CACNA1D: variants seen among roughly 807,000 people sequenced by gnomAD.
The protein encoded by CACNA1D is voltage-dependent L-type calcium channel subunit alpha-1D.
In CACNA1D, 55 loss-of-function variants were observed where a neutral mutation model predicts 257.1. The ratio of observed to expected loss-of-function variants is 0.21; its 90% CI spans 0.17 to 0.27. The LOEUF is 0.27. Ranked by LOEUF, CACNA1D falls within the 10% of genes least tolerant of loss-of-function variation. The probability of loss-of-function intolerance (pLI) is 1.00; values close to 1 mark genes in which losing one functional copy is unlikely to be tolerated. For synonymous variants in CACNA1D, 980 were observed against 1,014.9 expected, an observed-to-expected ratio of 0.97 and a Z score of 0.65; for missense variants, 1,876 against 2,784.0, an observed-to-expected ratio of 0.67 and a Z score of 7.34.
At chr3:53,803,952 C>T (rs1189604619) in intron 44 of CACNA1D, among the ~76,000 whole-genome samples, 1 of 152,150 alleles carries the variant, frequency 6.6e-6, no homozygotes, top group Non-Finnish European at 1.5e-5. Flanking sequence ...TGGACGGCGG[C>T]TTGGCCAGCC....
chr3:53,679,894 G>A (rs973835347), intron 8 of CACNA1D: 1 of 152,182 alleles, frequency 6.6e-6, no homozygotes, highest in South Asian at 2.1e-4. Flanking sequence ...ACATGGCTTG[G>A]CTTTGGTAGA....
intron 9 of CACNA1D, among the ~76,000 whole-genome samples, chr3:53,713,502 A>ATC: frequency 7.7e-6 from 1 of 129,460 alleles, no homozygotes; most frequent in East Asian, 2.1e-4. Context: ...CTCTGTGTGT[A>ATC]TGTGTGTGTG....
At chr3:53,630,719 T>A (rs2093812878) in intron 3 of CACNA1D, among the ~76,000 whole-genome samples, 1 of 152,224 alleles carries the variant, frequency 6.6e-6, no homozygotes, top group Admixed American at 6.5e-5. Context: ...TGACAGCTTC[T>A]AGAGTGTTGG....
intron 15 of CACNA1D, 72 bp downstream of exon 15, chr3:53,727,071 T>C: frequency 6.4e-7 from 1 of 1,556,350 alleles, no homozygotes. Context: ...TCTGCATTTC[T>C]CTGTGGTGAT....
chr3:53,575,448 T>C (rs1025227811), intron 3 of CACNA1D, among the ~76,000 whole-genome samples: 1 of 152,170 alleles, frequency 6.6e-6, no homozygotes, highest in African/African-American at 2.4e-5. Context: ...GGAACTGGAT[T>C]GAATCGGGAT....
At chr3:53,734,743 T>G (rs1279495669) in intron 19 of CACNA1D, among the ~76,000 whole-genome samples, 1 of 152,154 alleles carries the variant, frequency 6.6e-6, no homozygotes, top group Non-Finnish European at 1.5e-5. Context: ...GCTCCAACCT[T>G]CACTTTCTGA....
chr3:53,615,054 A>G (rs888886034), intron 3 of CACNA1D, among the ~76,000 whole-genome samples: 5 of 152,244 alleles, frequency 3.3e-5, no homozygotes, highest in African/African-American at 9.6e-5. Context: ...TAACAGGCAA[A>G]TAGAAAATAT....
At chr3:53,748,948 C>A in intron 26 of CACNA1D, 1 of 446,914 alleles carries the variant, frequency 2.2e-6, no homozygotes, top group Non-Finnish European at 4.2e-6. Flanking sequence ...ATAGTTTTCA[C>A]TTCCTCCAGT....
rs868555487 is a variant in CACNA1D at position 53,660,195 on chromosome 3, G to A, written c.686G>A (p.Gly229Asp). ...ACAGAAGGCGGGAACCACTCAAGCG[G>A]CAAATCTGGAGGCTTTGATGTCAAA... The part of the protein sequence containing the change: ...KETEGGNHSS[G>D]KSGGFDVKAL... The change falls in exon 5 of 48, where the codon GGC becomes GAC. Residue 229 changes from glycine to aspartate, a missense_variant. This residue lies in a region of CACNA1D where 188 missense variants were observed against 390.4 expected (regional missense o/e 0.48). Transcript: ENST00000350061. The A allele has an allele frequency of 1.9e-6, 3 of 1,613,998 alleles. No homozygotes were observed.
chr3:53,624,068 A>G (rs1361727478), intron 3 of CACNA1D, among the ~76,000 whole-genome samples: 1 of 152,182 alleles, frequency 6.6e-6, no homozygotes, highest in Non-Finnish European at 1.5e-5. Flanking sequence ...GATGCTGTGT[A>G]CAAGAGCTGA....
Position 53,800,752 on chromosome 3 carries a change from T to C in CACNA1D, c.5041-306T>C. ...CCCAGCCCAGAGAGCATGCCCAACC[T>C]TGGGGCCACCAGCCAGCCCAGCTGG... On this transcript the variant is annotated intron_variant, in intron 41 of 47. Coordinates refer to ENST00000350061, the MANE Select transcript of CACNA1D (RefSeq NM_001128840.3). The surrounding 1 kb of genome is among the most constrained non-coding windows in gnomAD (Gnocchi z 4.3). 1.9e-6 allele frequency: 1 copy of C among 515,784 alleles called. No homozygotes were observed. The highest frequency in any genetic ancestry group is 3.2e-5 in the Admixed American group (1 of 31,164). The allele number at this position is 515,784 out of a possible 1,614,324, so 32.0% of individuals were successfully genotyped here.
At chr3:53,693,293 C>T (rs978024098) in intron 8 of CACNA1D, among the ~76,000 whole-genome samples, 3 of 152,136 alleles carry the variant, frequency 2.0e-5, no homozygotes, top group African/African-American at 7.2e-5. Context: ...CCCTCCCCAC[C>T]CCACTCTGCC....
At chr3:53,695,255 C>T (rs376995390) in intron 8 of CACNA1D, among the ~76,000 whole-genome samples, 2 of 152,092 alleles carry the variant, frequency 1.3e-5, no homozygotes, top group African/African-American at 4.8e-5. Flanking sequence ...GTGTCGCTGC[C>T]GAGTCATTAG....
At chr3:53,624,670 G>A (rs553460522) in intron 3 of CACNA1D, among the ~76,000 whole-genome samples, 71 of 152,284 alleles carry the variant, frequency 4.7e-4, no homozygotes, top group Non-Finnish European at 8.4e-4. Context: ...AGCCCTCAAT[G>A]GCATTACCGT....
intron 36 of CACNA1D, 45 bp from the exon 37 acceptor site, chr3:53,776,815 C>T: frequency 6.2e-7 from 1 of 1,611,716 alleles, no homozygotes; most frequent in South Asian, 1.1e-5. Flanking sequence ...AAAGTTCGGG[C>T]CAGCTGGTAC....
intron 29 of CACNA1D, 35 bp downstream of exon 29, chr3:53,753,717 C>T (rs1447554703): frequency 3.2e-6 from 4 of 1,242,904 alleles, no homozygotes; most frequent in Non-Finnish European, 4.8e-6. Context: ...AAGGTTGTTG[C>T]TGAGTCACCC....
chr3:53,799,679 G>A (rs1383299285), intron 40 of CACNA1D, among the ~76,000 whole-genome samples: 1 of 152,202 alleles, frequency 6.6e-6, no homozygotes, highest in African/African-American at 2.4e-5. Context: ...CTCCGTCGTG[G>A]TCCGAGTGTG....
intron 3 of CACNA1D, among the ~76,000 whole-genome samples, chr3:53,567,581 T>C (rs1233647190): frequency 6.6e-6 from 1 of 152,168 alleles, no homozygotes; most frequent in East Asian, 1.9e-4. Flanking sequence ...AAGTGTTTGA[T>C]TACAGAGGAG....
intron 20 of CACNA1D, 77 bp from the exon 21 acceptor site, chr3:53,740,203 G>A (rs1559604376): frequency 1.9e-6 from 2 of 1,034,896 alleles, no homozygotes; most frequent in South Asian, 2.5e-5. Flanking sequence ...CTGGATCGGG[G>A]GTTTCTGCCT....
Sources: allele counts gnomAD v4.1 joint callset (sites outside exome capture counted in the v4.1 genomes callset), GRCh38; gene constraint gnomAD v4.1.1; regional missense constraint gnomAD v4.1.1; non-coding constraint Gnocchi (gnomAD v3.1); transcripts MANE v1.5; gene names NCBI Gene and HGNC (gene_info 2026-07-23, HGNC 2026-07-21).